IGF2BP3: variants seen among roughly 807,000 people sequenced by gnomAD.
IGF2BP3 encodes the protein insulin-like growth factor 2 mRNA-binding protein 3.
Under a neutral mutation model 73.8 loss-of-function variants are expected in IGF2BP3, and 9 were observed. That is an observed-to-expected ratio of 0.12 (90% confidence interval 0.07 to 0.21). IGF2BP3 has a LOEUF of 0.21. IGF2BP3 is among the 10% of genes least tolerant of loss of function. IGF2BP3 has a pLI of 1.00. For missense variants in IGF2BP3, 542 were observed against 714.0 expected, an observed-to-expected ratio of 0.76 and a Z score of 2.75; for synonymous variants, 258 against 256.7, an observed-to-expected ratio of 1.01 and a Z score of -0.05.
intron 5 of IGF2BP3, among the ~76,000 whole-genome samples, chr7:23,352,951 T>C (rs565329554): frequency 1.2e-4 from 18 of 152,328 alleles, no homozygotes; most frequent in African/African-American, 4.3e-4. Flanking sequence ...TTTGTATTCA[T>C]TTTGTGTGTG....
rs1783854038 is a variant in IGF2BP3 at position 23,312,306 on chromosome 7, A to G, written c.*56T>C. 1 of 1,267,068 alleles carries G rather than the reference A, an allele frequency of 7.9e-7. No individual in the cohort carries two copies. Among genetic ancestry groups the G allele is most frequent in the Non-Finnish European group, 1.2e-6 (1 of 867,118 alleles). 78.5% of individuals were successfully genotyped at this position (1,267,068 alleles called of 1,614,324 possible). On this transcript the variant is annotated 3_prime_UTR_variant, in exon 15 of 15. Coordinates refer to ENST00000258729, the MANE Select transcript of IGF2BP3 (RefSeq NM_006547.3). ...GGGGGTCAGCGCCCATCTGTTGGTT[A>G]AGCAATCTGTCTTTGGTTTGGCATC...
intron 3 of IGF2BP3, among the ~76,000 whole-genome samples, chr7:23,374,157 A>G (rs896185152): frequency 1.3e-5 from 2 of 152,208 alleles, no homozygotes; most frequent in African/African-American, 4.8e-5. Flanking sequence ...GGACTCAAAG[A>G]AGTACTTCTA....
rs187448401 is a variant in IGF2BP3 at position 23,393,835 on chromosome 7, A to C, written c.285+24941T>G. On this transcript the variant is annotated intron_variant, in intron 3 of 14. Transcript: ENST00000258729. Reference sequence around the variant, plus strand: ...GCGGCCTAATCTAGGATCAGTGAGAAGAGTCTCTCCTTGAGAGTCCCTCCT... The same window carrying C: ...GCGGCCTAATCTAGGATCAGTGAGACGAGTCTCTCCTTGAGAGTCCCTCCT... Among the ~76,000 whole-genome samples, 22 of 152,284 alleles carry C rather than the reference A, an allele frequency of 1.4e-4. No individual in the cohort carries two copies. In the East Asian group the frequency reaches 3.9e-3, roughly 27 times the overall value.
At chr7:23,347,552 A>G (rs746239852) in intron 7 of IGF2BP3, 48 bp downstream of exon 7, 2 of 1,585,208 alleles carry the variant, frequency 1.3e-6, no homozygotes, top group Admixed American at 3.6e-5. Flanking sequence ...TCAAAAATAC[A>G]AGAGCACAAA....
At chr7:23,389,966 A>G (rs1214202558) in intron 3 of IGF2BP3, among the ~76,000 whole-genome samples, 2 of 152,130 alleles carry the variant, frequency 1.3e-5, no homozygotes, top group African/African-American at 2.4e-5. Flanking sequence ...ACAGAGTGAG[A>G]CCCTGTCTCT....
At chr7:23,317,984 A>C (rs1784037193) in intron 11 of IGF2BP3, among the ~76,000 whole-genome samples, 1 of 152,024 alleles carries the variant, frequency 6.6e-6, no homozygotes, top group Non-Finnish European at 1.5e-5. Context: ...AAGTAGTATT[A>C]CCTCCACTTC....
chr7:23,442,194 C>G (rs1310666072), intron 2 of IGF2BP3, among the ~76,000 whole-genome samples: 1 of 152,144 alleles, frequency 6.6e-6, no homozygotes, highest in Non-Finnish European at 1.5e-5. Flanking sequence ...TTCTGTCTCC[C>G]TAGCACCTAG....
chr7:23,323,773 A>C (rs951328185), intron 10 of IGF2BP3, among the ~76,000 whole-genome samples: 1 of 152,210 alleles, frequency 6.6e-6, no homozygotes, highest in East Asian at 1.9e-4. Context: ...AACTCACTCA[A>C]AACTGCTCAA....
chr7:23,392,319 C>G (rs1030305628), intron 3 of IGF2BP3, among the ~76,000 whole-genome samples: 1 of 151,386 alleles, frequency 6.6e-6, no homozygotes, highest in Non-Finnish European at 1.5e-5. Flanking sequence ...GAACATGTCA[C>G]AGTGCTGGAT....
At chr7:23,426,398 A>C (rs1787513065) in intron 2 of IGF2BP3, among the ~76,000 whole-genome samples, 1 of 152,038 alleles carries the variant, frequency 6.6e-6, no homozygotes, top group South Asian at 2.1e-4. Flanking sequence ...AATGAGCAAA[A>C]CTTAATACTA....
chr7:23,398,310 C>A lies in IGF2BP3; in HGVS notation c.285+20466G>T, dbSNP rs1325809944. 5.9e-5 allele frequency among the ~76,000 whole-genome samples: 9 copies of A among 152,244 alleles called. No homozygotes were observed. The East Asian group carries it at 1.3e-3, about 23-fold the overall frequency. ...GCCACATTTTCTTAATCCAGTCTGT[C>A]ATTGTTGGACATTTGGGTTGGTTCC... On this transcript the variant is annotated intron_variant, in intron 3 of 14. Transcript: ENST00000258729.
chr7:23,366,038 A>G (rs1785361754), intron 3 of IGF2BP3: 1 of 152,236 alleles, frequency 6.6e-6, no homozygotes, highest in Non-Finnish European at 1.5e-5. Context: ...AGAAATATAC[A>G]TTAAAATTTT....
chr7:23,433,486 ATTT>A (rs568295259), intron 2 of IGF2BP3, among the ~76,000 whole-genome samples: 2 of 142,884 alleles, frequency 1.4e-5, no homozygotes. Flanking sequence ...ATAATAACTA[ATTT>A]TTTTTTTTTT....
At chr7:23,342,225 A>G (rs1026360611) in intron 9 of IGF2BP3, 36 bp from the exon 10 acceptor site, 2 of 1,610,466 alleles carry the variant, frequency 1.2e-6, no homozygotes, top group Non-Finnish European at 8.5e-7. Flanking sequence ...TTTGACAATT[A>G]AAAGAATCAA....
At chr7:23,440,880 C>T (rs1478190899) in intron 2 of IGF2BP3, among the ~76,000 whole-genome samples, 1 of 152,162 alleles carries the variant, frequency 6.6e-6, no homozygotes, top group Non-Finnish European at 1.5e-5. Flanking sequence ...CATAAGAATA[C>T]AATATCAGTT....
chr7:23,348,771 TG>T (rs1386065813), intron 6 of IGF2BP3, among the ~76,000 whole-genome samples: 1 of 152,138 alleles, frequency 6.6e-6, no homozygotes, highest in Admixed American at 6.6e-5. Flanking sequence ...GGCAGAGAGA[TG>T]ATCATTTGTA....
chr7:23,378,608 T>A (rs1187432558), intron 3 of IGF2BP3, among the ~76,000 whole-genome samples: 1 of 124,720 alleles, frequency 8.0e-6, no homozygotes, highest in Admixed American at 9.7e-5. Context: ...AGAGTCTCGC[T>A]CTGTCGCCAG....
chr7:23,331,870 A>G (rs909117724), intron 10 of IGF2BP3, among the ~76,000 whole-genome samples: 1 of 151,878 alleles, frequency 6.6e-6, no homozygotes, highest in Non-Finnish European at 1.5e-5. Flanking sequence ...AAAAAAAAAA[A>G]AAAGAAAAAA....
At chr7:23,437,485 A>AAAATAAAT (rs71770418) in intron 2 of IGF2BP3, among the ~76,000 whole-genome samples, 52 of 148,666 alleles carry the variant, frequency 3.5e-4, no homozygotes, top group South Asian at 3.0e-3. Flanking sequence ...CTTCATTTCA[A>AAAATAAAT]AAATAAATAA....
Sources: allele counts gnomAD v4.1 joint callset (sites outside exome capture counted in the v4.1 genomes callset), GRCh38; gene constraint gnomAD v4.1.1; transcripts MANE v1.5; gene names NCBI Gene and HGNC (gene_info 2026-07-23, HGNC 2026-07-21).